The following NF2 variants were observed in gnomAD, a reference collection of about 807,000 sequenced individuals.
NF2 encodes NF2, moesin-ezrin-radixin like (MERLIN) tumor suppressor, also known as merlin.
In NF2, 8 loss-of-function variants were observed where a neutral mutation model predicts 83.7. That is an observed-to-expected ratio of 0.10 (90% CI 0.06 to 0.17). The LOEUF (loss-of-function observed/expected upper bound fraction) is 0.17. Ranked by LOEUF, NF2 falls within the 10% of genes least tolerant of loss-of-function variation. The pLI, the probability that NF2 is intolerant of heterozygous loss-of-function variation, is 1.00. For synonymous variants in NF2, 266 were observed against 269.6 expected, an observed-to-expected ratio of 0.99 and a Z score of 0.13; for missense variants, 533 against 744.4, an observed-to-expected ratio of 0.72 and a Z score of 3.31.
chr22:29,668,857 C>T (rs1333773955), intron 10 of NF2, among the ~76,000 whole-genome samples: 1 of 152,198 alleles, frequency 6.6e-6, no homozygotes, highest in Non-Finnish European at 1.5e-5. Context: ...GTGCTTGCGG[C>T]TGGAATGCTA....
At chr22:29,609,283 TATG>T (rs761953578) in intron 1 of NF2, 47 of 698,776 alleles carry the variant, frequency 6.7e-5, no homozygotes, top group Non-Finnish European at 1.1e-4. Context: ...TCATGGAAGA[TATG>T]ATGTTAAAGG....
At chr22:29,607,510 C>T (rs2064830142) in intron 1 of NF2, among the ~76,000 whole-genome samples, 1 of 152,138 alleles carries the variant, frequency 6.6e-6, no homozygotes, top group African/African-American at 2.4e-5. Context: ...CAGCCAGTCG[C>T]TAAACAAATA....
intron 4 of NF2, among the ~76,000 whole-genome samples, chr22:29,649,006 A>C (rs1049440504): frequency 6.6e-6 from 1 of 152,092 alleles, no homozygotes; most frequent in Non-Finnish European, 1.5e-5. Context: ...TTGTTTTTCT[A>C]TTGGTGAAAC....
chr22:29,642,450 G>C (rs1202467072), intron 4 of NF2, among the ~76,000 whole-genome samples, 165 bp downstream of exon 4: 1 of 152,076 alleles, frequency 6.6e-6, no homozygotes, highest in Non-Finnish European at 1.5e-5. Context: ...CACTGTTCCA[G>C]TGTTTGTATA....
intron 15 of NF2, chr22:29,684,002 C>T (rs1037631240): frequency 1.1e-5 from 9 of 821,896 alleles, no homozygotes; most frequent in Non-Finnish European, 1.3e-5. Context: ...GGAGTCTTCC[C>T]TGCAGTTTCT....
chr22:29,632,619 G>A (rs1029004877), intron 1 of NF2, among the ~76,000 whole-genome samples: 3 of 152,200 alleles, frequency 2.0e-5, no homozygotes, highest in Non-Finnish European at 4.4e-5. Context: ...TGGACACAAT[G>A]TGTGTGTTCA....
rs7291645 is a variant in NF2 at position 29,683,224 on chromosome 22, T to C, written c.1737+1623T>C. The C allele has an allele frequency of 0.34, 539,056 of 1,574,990 alleles. 95,162 individuals carry two copies. Among genetic ancestry groups the C allele is most frequent in the Non-Finnish European group, 0.37 (426,886 of 1,159,924 alleles). On this transcript the variant is annotated intron_variant, in intron 15 of 15. Coordinates refer to ENST00000338641, the MANE Select transcript of NF2 (RefSeq NM_000268.4). ...CCGCAGCATGCTTTGAGTCTAAAAG[T>C]AGGCACCCACCCTGTGAAGCCAGAC...
chr22:29,622,146 C>T (rs1164014697), intron 1 of NF2, among the ~76,000 whole-genome samples: 1 of 152,242 alleles, frequency 6.6e-6, no homozygotes, highest in Non-Finnish European at 1.5e-5. Context: ...TGAAGGACTT[C>T]CTCAACTTAA....
chr22:29,683,875 G>A (rs1333669139), intron 15 of NF2: 1 of 1,051,310 alleles, frequency 9.5e-7, no homozygotes, highest in Non-Finnish European at 1.1e-6. Context: ...GCAGTGGAGA[G>A]AATGTATTTT....
Position 29,697,270 on chromosome 22 carries a change from C to G in NF2, c.*2468C>G, listed in dbSNP as rs1034880. 0.31 allele frequency: 63,798 copies of G among 203,904 alleles called. 10,443 individuals are homozygous for G. Among genetic ancestry groups the G allele is most frequent in the Non-Finnish European group, 0.36 (35,911 of 99,188 alleles). 12.6% of individuals were successfully genotyped at this position (203,904 alleles called of 1,614,324 possible). On this transcript the variant is annotated 3_prime_UTR_variant, in exon 16 of 16. Transcript: ENST00000338641. ...TTGTTTCCTTCTTTAGCTGCCGTGT[C>G]TACTTCTGAAGTCTGGGAAGTGCCA...
At chr22:29,679,384 A>G (rs953826664) in intron 14 of NF2, among the ~76,000 whole-genome samples, 2 of 152,232 alleles carry the variant, frequency 1.3e-5, no homozygotes, top group African/African-American at 4.8e-5. Flanking sequence ...CAGAGCCTCT[A>G]GCTGTCATAT....
chr22:29,656,623 G>A (rs926124692), intron 6 of NF2, among the ~76,000 whole-genome samples: 5 of 151,544 alleles, frequency 3.3e-5, no homozygotes, highest in East Asian at 3.9e-4. Context: ...TGTGTTAGCC[G>A]GGATGGTCTC....
rs558828144 is a variant in NF2 at position 29,673,834 on chromosome 22, T to C, written c.1340+348T>C. 1.4e-4 allele frequency among the ~76,000 whole-genome samples: 22 copies of C among 152,284 alleles called. No homozygotes were observed. The East Asian group carries it at 3.9e-3, about 27-fold the overall frequency. ...GAGATGTGAGGAGGCTCTTTGTGCA[T>C]TTAAAAAAAGTGTGGTTCTTTTCTG... On this transcript the variant is annotated intron_variant, in intron 12 of 15. Transcript: ENST00000338641.
chr22:29,605,398 C>T (rs530297167), intron 1 of NF2, among the ~76,000 whole-genome samples: 119 of 152,210 alleles, frequency 7.8e-4, no homozygotes, highest in African/African-American at 2.6e-3. Context: ...CTCCTGACCT[C>T]GTGACCAGCC....
Position 29,627,193 on chromosome 22 carries a change from T to C in NF2, c.115-9558T>C, listed in dbSNP as rs77546594. On this transcript the variant is annotated intron_variant, in intron 1 of 15. Coordinates refer to ENST00000338641, the MANE Select transcript of NF2 (RefSeq NM_000268.4). The stretch of plus-strand genomic sequence containing the variant: ...GCAATGAAAAATGCTACATGGTTTA[T>C]ACAAAGTCATGTCAAGCTCATAGAC... Among the ~76,000 whole-genome samples, 1,273 of 152,316 alleles carry C rather than the reference T, an allele frequency of 8.4e-3. 18 individuals carry two copies. The highest frequency in any genetic ancestry group is 0.03 in the African/African-American group (1,237 of 41,554).
At chr22:29,657,051 A>G (rs560984589) in intron 6 of NF2, among the ~76,000 whole-genome samples, 1 of 152,042 alleles carries the variant, frequency 6.6e-6, no homozygotes, top group South Asian at 2.1e-4. Context: ...CAACATGCAT[A>G]TGGAAAAGTA....
At position 29,661,300 on chromosome 22, in the gene NF2, G is replaced by A. The variant is rs759032771; in HGVS notation, c.771G>A (p.Pro257=). ...ENRLTPKISF[P]WNEIRNISYS... is the part of the protein sequence containing the mutation. The stretch of plus-strand genomic sequence containing the variant: ...GACTGACCCCCAAGATCTCCTTCCC[G>A]TGGAATGAAATCCGAAACATCTCGT... The change falls in exon 8 of 16, where the codon CCG becomes CCA. Residue 257 remains proline (P), a synonymous_variant. Coordinates refer to ENST00000338641, the MANE Select transcript of NF2 (RefSeq NM_000268.4). The A allele has an allele frequency of 3.7e-5, 60 of 1,614,056 alleles. No homozygotes were observed. Among genetic ancestry groups the A allele is most frequent in the Admixed American group, 1.3e-4 (8 of 59,998 alleles).
chr22:29,693,710 C>G (rs1161456516), intron 15 of NF2, among the ~76,000 whole-genome samples: 4 of 152,162 alleles, frequency 2.6e-5, no homozygotes, highest in Non-Finnish European at 5.9e-5. Flanking sequence ...TCCCGCGAAC[C>G]TCAGTTTAGT....
chr22:29,644,067 G>A (rs1315674914), intron 4 of NF2, among the ~76,000 whole-genome samples: 14 of 150,146 alleles, frequency 9.3e-5, no homozygotes, highest in Admixed American at 7.9e-4. Context: ...GGGCGGAGAC[G>A]CTCCTCACTT....
Sources: allele counts gnomAD v4.1 joint callset (sites outside exome capture counted in the v4.1 genomes callset), GRCh38; gene constraint gnomAD v4.1.1; transcripts MANE v1.5; gene names NCBI Gene and HGNC (gene_info 2026-07-23, HGNC 2026-07-21).